The following COL4A6 variants were observed in gnomAD, a reference collection of about 807,000 sequenced individuals.
The protein encoded by COL4A6 is collagen type IV alpha 6 chain.
COL4A6 carries 59 observed loss-of-function variants against 126.7 expected under a neutral mutation model. The observed-to-expected ratio is 0.47, with a 90% CI of 0.38 to 0.58. The LOEUF is 0.58. COL4A6 is among the 20% of genes least tolerant of loss of function. The pLI is 0.00. For synonymous variants in COL4A6, 547 were observed against 496.6 expected (o/e 1.10, Z -1.35); for missense variants, 1,285 against 1,337.3 (o/e 0.96, Z 0.61).
chrX:108,221,504 C>T, intron 3 of COL4A6, 130 bp from the exon 4 acceptor site: 1 of 709,575 alleles, frequency 1.4e-6, no homozygotes, highest in Non-Finnish European at 2.0e-6. Flanking sequence ...GTGAGGCACG[C>T]CAAAGTTCCA....
At chrX:108,164,736 T>C (rs1317170345) in intron 39 of COL4A6, 38 bp from the exon 40 acceptor site, 1 of 1,167,648 alleles carries the variant, frequency 8.6e-7, no homozygotes, top group African/African-American at 1.8e-5. Context: ...GGTCCCGGCA[T>C]GGTAGGGGTG....
intron 2 of COL4A6, among the ~76,000 whole-genome samples, chrX:108,403,233 GCTCTCTCTCTCTCTCTCTCTCTCT>G (rs59212608): frequency 1.0e-3 from 63 of 62,363 alleles, no homozygotes; most frequent in African/African-American, 3.5e-3. Flanking sequence ...GCAAAGATTA[GCTCTCTCTCTCTCTCTCTCTCTCT>G]CTCTCTCTCT....
At chrX:108,349,973 G>C (rs2039802734) in intron 2 of COL4A6, among the ~76,000 whole-genome samples, 1 of 111,529 alleles carries the variant, frequency 9.0e-6, no homozygotes, top group Non-Finnish European at 1.9e-5. Flanking sequence ...GGACACTGGG[G>C]TTCAGAAATG....
chrX:108,237,903 T>TA (rs1478543512), intron 3 of COL4A6, among the ~76,000 whole-genome samples: 1 of 106,354 alleles, frequency 9.4e-6, no homozygotes, highest in Non-Finnish European at 1.9e-5. Context: ...TCTATCTATC[T>TA]ATCTATGTAT....
chrX:108,209,407 G>A (rs1032205948), intron 8 of COL4A6, among the ~76,000 whole-genome samples: 1 of 111,581 alleles, frequency 9.0e-6, no homozygotes, highest in East Asian at 2.8e-4. Context: ...AAAAGATAGA[G>A]CGAAGAAAGA....
At chrX:108,425,430 AT>A (rs1257145697) in intron 2 of COL4A6, among the ~76,000 whole-genome samples, 1 of 110,677 alleles carries the variant, frequency 9.0e-6, no homozygotes, top group Non-Finnish European at 1.9e-5. Flanking sequence ...TAAACTGGAG[AT>A]TAAGACTTCT....
intron 2 of COL4A6, among the ~76,000 whole-genome samples, chrX:108,376,275 C>T (rs1198135181): frequency 9.0e-6 from 1 of 110,945 alleles, no homozygotes; most frequent in Non-Finnish European, 1.9e-5. Flanking sequence ...GAATCTGAAC[C>T]ATAAGCCATA....
At chrX:108,401,462 A>G (rs773094100) in intron 2 of COL4A6, among the ~76,000 whole-genome samples, 115 of 110,665 alleles carry the variant, frequency 1.0e-3, no homozygotes, top group African/African-American at 3.4e-3. Context: ...GATACTGATA[A>G]ATGAAAATAG....
chrX:108,278,727 A>G (rs2037698277), intron 3 of COL4A6, among the ~76,000 whole-genome samples: 1 of 109,196 alleles, frequency 9.2e-6, no homozygotes, highest in Non-Finnish European at 1.9e-5. Flanking sequence ...AAAAAATGTT[A>G]AGGGCAGCCA....
At chrX:108,306,873 G>T (rs1282672891) in intron 3 of COL4A6, among the ~76,000 whole-genome samples, 2 of 110,804 alleles carry the variant, frequency 1.8e-5, no homozygotes, top group African/African-American at 6.6e-5. Context: ...GATAATTAGG[G>T]GGTCACCATG....
Position 108,159,624 on chromosome X carries a change from G to A in COL4A6, c.4650C>T (p.Ile1550=), listed in dbSNP as rs138922331. 7.4e-6 allele frequency: 9 copies of A among 1,210,994 alleles called. No homozygotes were observed. The highest frequency in any genetic ancestry group is 3.5e-5 in the African/African-American group (2 of 57,402). Residue 1550 remains isoleucine (I), a synonymous_variant, in exon 44 of 45, where the codon ATC becomes ATT. Transcript: ENST00000334504. The stretch of plus-strand genomic sequence containing the variant: ...GGGTCTGGCTGACGGGCATCATGGG[G>A]ATAGGGGCGGTAGTGGAGAGCCAGT... The part of the protein sequence containing the change: ...KSYWLSTTAP[I]PMMPVSQTQI...
At chrX:108,423,315 CAAT>C (rs1569463300) in intron 2 of COL4A6, among the ~76,000 whole-genome samples, 1 of 112,051 alleles carries the variant, frequency 8.9e-6, no homozygotes, top group Non-Finnish European at 1.9e-5. Context: ...AAGTTCTTAA[CAAT>C]AACCCTAACA....
chrX:108,302,904 C>A (rs189979692), intron 3 of COL4A6, among the ~76,000 whole-genome samples: 1 of 111,223 alleles, frequency 9.0e-6, no homozygotes, highest in East Asian at 2.8e-4. Context: ...AATCCTAAAT[C>A]TTAATTTCTT....
intron 3 of COL4A6, among the ~76,000 whole-genome samples, chrX:108,230,305 T>C (rs1326129400): frequency 9.0e-6 from 1 of 111,157 alleles, no homozygotes; most frequent in Non-Finnish European, 1.9e-5. Flanking sequence ...TGAATGAAAA[T>C]AGAGAATTAA....
At chrX:108,164,113 G>A (rs1223126913) in intron 40 of COL4A6, among the ~76,000 whole-genome samples, 4 of 111,624 alleles carry the variant, frequency 3.6e-5, no homozygotes, top group Admixed American at 9.4e-5. Flanking sequence ...CACTAGGGTC[G>A]GGGGAGGAAG....
intron 2 of COL4A6, among the ~76,000 whole-genome samples, chrX:108,413,948 T>C (rs2041381530): frequency 8.9e-6 from 1 of 112,079 alleles, no homozygotes; most frequent in African/African-American, 3.2e-5. Context: ...ATGTCATTTG[T>C]TACAAAATGC....
chrX:108,364,887 T>C (rs1184881432), intron 2 of COL4A6, among the ~76,000 whole-genome samples: 1 of 111,500 alleles, frequency 9.0e-6, no homozygotes, highest in Non-Finnish European at 1.9e-5. Flanking sequence ...ATCTTGGCTA[T>C]GGTGAATAGT....
intron 3 of COL4A6, among the ~76,000 whole-genome samples, chrX:108,231,278 G>A (rs748310415): frequency 1.8e-5 from 2 of 111,052 alleles, no homozygotes; most frequent in South Asian, 3.8e-4. Flanking sequence ...ATGAAGACAT[G>A]CATCTACACG....
intron 2 of COL4A6, among the ~76,000 whole-genome samples, chrX:108,312,421 T>C (rs1443304141): frequency 8.9e-6 from 1 of 112,147 alleles, no homozygotes; most frequent in Non-Finnish European, 1.9e-5. Flanking sequence ...ACATGGTAAG[T>C]GTTATTGCAC....
Sources: gnomAD v4.1 joint callset for allele counts (sites outside exome capture counted in the v4.1 genomes callset) on GRCh38, gnomAD v4.1.1 for gene constraint, MANE v1.5 for transcripts, NCBI Gene and HGNC (gene_info 2026-07-23, HGNC 2026-07-21) for gene names.